Variants in SAFB observed in about 807,000 individuals in gnomAD.
SAFB encodes scaffold attachment factor B.
In SAFB, 15 loss-of-function variants were observed where a neutral mutation model predicts 101.6. That is an observed-to-expected ratio of 0.15 (90% CI 0.10 to 0.23). The LOEUF (loss-of-function observed/expected upper bound fraction) is 0.23. Ranked by LOEUF, SAFB falls within the 10% of genes least tolerant of loss-of-function variation. The pLI is 1.00. For missense variants in SAFB, 930 were observed against 1,104.1 expected (o/e 0.84, Z 2.23); for synonymous variants, 449 against 407.5 (o/e 1.10, Z -1.23).
At chr19:5,648,352 T>C (rs972493968) in intron 6 of SAFB, 3 of 387,080 alleles carry the variant, frequency 7.8e-6, no homozygotes, top group Non-Finnish European at 9.2e-6. Context: ...TCTTGAGAGC[T>C]AATACCTCTG....
intron 13 of SAFB, among the ~76,000 whole-genome samples, chr19:5,656,575 A>ATTTT (rs918418902): frequency 5.5e-5 from 7 of 128,356 alleles, no homozygotes; most frequent in Non-Finnish European, 8.2e-5. Context: ...TGCGCCAGCA[A>ATTTT]TTTTTTTTTT....
At chr19:5,637,298 C>T (rs1265342869) in intron 2 of SAFB, among the ~76,000 whole-genome samples, 4 of 144,286 alleles carry the variant, frequency 2.8e-5, no homozygotes, top group African/African-American at 7.8e-5. Context: ...GAGCCAAGAT[C>T]GTGCCACTGC....
chr19:5,653,423 A>G lies in SAFB; in HGVS notation c.1526+3A>G. The G allele has an allele frequency of 1.2e-6, 2 of 1,613,162 alleles. No individual in the cohort carries two copies. Among genetic ancestry groups the G allele is most frequent in the Non-Finnish European group, 1.7e-6 (2 of 1,179,418 alleles). ...GAGAAGTCGAGCAACAGTGACAGGTACCCCTCCTTCCTGGCTAAATTAAAG... is the reference window on the plus strand; with the variant it reads ...GAGAAGTCGAGCAACAGTGACAGGTGCCCCTCCTTCCTGGCTAAATTAAAG... On this transcript the variant is annotated splice_donor_region_variant and intron_variant, in intron 11 of 20. Coordinates refer to ENST00000588852, the MANE Select transcript of SAFB (RefSeq NM_001201338.2).
chr19:5,668,111 G>C, intron 20 of SAFB, 51 bp from the exon 21 acceptor site: 1 of 1,590,806 alleles, frequency 6.3e-7, no homozygotes, highest in Admixed American at 1.8e-5. Flanking sequence ...GCTGGGATGG[G>C]CCGGGGAGCA....
intron 13 of SAFB, among the ~76,000 whole-genome samples, chr19:5,655,679 T>G (rs773552640): frequency 3.3e-5 from 5 of 152,034 alleles, no homozygotes; most frequent in Non-Finnish European, 7.4e-5. Flanking sequence ...CCATTTCACT[T>G]GGTGAATGGA....
At chr19:5,623,911 C>T (rs2053266492) in intron 1 of SAFB, 1 of 152,766 alleles carries the variant, frequency 6.5e-6, no homozygotes, top group South Asian at 2.0e-4. Context: ...AGGAAACACC[C>T]GTAGGACATA....
At chr19:5,657,448 T>C (rs1475887692) in intron 14 of SAFB, 101 bp downstream of exon 14, 4 of 736,248 alleles carry the variant, frequency 5.4e-6, no homozygotes, top group African/African-American at 1.8e-5. Flanking sequence ...GGGATAGAGC[T>C]GTGAACCTTT....
At chr19:5,661,477 G>C (rs2054201417) in intron 14 of SAFB, 41 bp from the exon 15 acceptor site, 6 of 1,604,564 alleles carry the variant, frequency 3.7e-6, no homozygotes, top group Non-Finnish European at 5.1e-6. Flanking sequence ...GACCTGGCTG[G>C]GGGTGTCTAG....
At chr19:5,642,036 T>A (rs2053727394) in intron 4 of SAFB, 90 bp downstream of exon 4, 4 of 1,075,130 alleles carry the variant, frequency 3.7e-6, no homozygotes, top group Non-Finnish European at 4.2e-6. Flanking sequence ...GGGAAGTAAG[T>A]TGTTCTGTAA....
chr19:5,643,911 G>C (rs1362463180), intron 4 of SAFB, among the ~76,000 whole-genome samples: 1 of 151,772 alleles, frequency 6.6e-6, no homozygotes, highest in African/African-American at 2.4e-5. Context: ...ATCAATTTCT[G>C]TGTGTCCCTG....
chr19:5,625,375 G>A (rs1350385866), intron 1 of SAFB, among the ~76,000 whole-genome samples: 3 of 152,226 alleles, frequency 2.0e-5, no homozygotes, highest in Non-Finnish European at 2.9e-5. Context: ...TCCCAGGAAA[G>A]AACTTCAGTC....
At position 5,650,695 on chromosome 19, in the gene SAFB, G is replaced by A. The variant is rs370607804; in HGVS notation, c.1199-283G>A. Among the ~76,000 whole-genome samples the A allele has an allele frequency of 7.2e-5, 11 of 152,304 alleles. No homozygotes were observed. The East Asian group carries it at 9.6e-4, about 13-fold the overall frequency. The stretch of plus-strand genomic sequence containing the variant: ...CAAAGTGCTGGGATTACAGGCGTGA[G>A]CCACCACACCCGGCCCGCAATTGCT... On this transcript the variant is annotated intron_variant, in intron 8 of 20. Coordinates refer to ENST00000588852, the MANE Select transcript of SAFB (RefSeq NM_001201338.2).
chr19:5,663,708 G>A (rs1490023861), intron 15 of SAFB, among the ~76,000 whole-genome samples: 4 of 152,136 alleles, frequency 2.6e-5, no homozygotes, highest in Admixed American at 2.6e-4. Context: ...GGCTCACGTG[G>A]TCTTCCTGAG....
In SAFB at chr19:5,653,181, A is replaced by G. The variant is rs1245618334; in HGVS notation, c.1360A>G (p.Met454Val). 1 of 1,614,140 alleles carries G rather than the reference A, an allele frequency of 6.2e-7. No individual in the cohort carries two copies. Residue 454 changes from methionine (M) to valine (V), a missense_variant, in exon 10 of 21, where the codon ATG becomes GTG. By Grantham distance (21) the Met-to-Val change is conservative. Coordinates refer to ENST00000588852, the MANE Select transcript of SAFB (RefSeq NM_001201338.2). ...AGCTCGCTGTTACGGTTTTGTCACGATGTCCACAGCAGAAGAGGCCACAAA... is the reference window on the plus strand; with the variant it reads ...AGCTCGCTGTTACGGTTTTGTCACGGTGTCCACAGCAGAAGAGGCCACAAA... ...PGARCYGFVT[M>V]STAEEATKCI...
intron 4 of SAFB, among the ~76,000 whole-genome samples, chr19:5,644,813 A>G (rs1041801414): frequency 1.2e-4 from 19 of 152,198 alleles, no homozygotes; most frequent in Non-Finnish European, 4.4e-5. Flanking sequence ...TTCCCCTGCA[A>G]GTAGGGCATA....
chr19:5,633,926 G>A (rs997133352), intron 2 of SAFB, among the ~76,000 whole-genome samples: 8 of 152,128 alleles, frequency 5.3e-5, no homozygotes, highest in Admixed American at 2.6e-4. Flanking sequence ...AAAGCAATCC[G>A]AAGCAAGCCA....
intron 6 of SAFB, 168 bp from the exon 7 acceptor site, chr19:5,648,821 C>T: frequency 1.7e-6 from 1 of 600,648 alleles, no homozygotes; most frequent in Non-Finnish European, 3.1e-6. Flanking sequence ...GGTCGCGGCG[C>T]AGGTAGTGTA....
chr19:5,630,498 G>A (rs1484295000), intron 2 of SAFB, among the ~76,000 whole-genome samples: 4 of 152,102 alleles, frequency 2.6e-5, no homozygotes, highest in African/African-American at 7.2e-5. Flanking sequence ...GGCCAGGTGC[G>A]GTGGCACACG....
At chr19:5,632,175 C>T (rs1406416129) in intron 2 of SAFB, among the ~76,000 whole-genome samples, 2 of 152,186 alleles carry the variant, frequency 1.3e-5, no homozygotes, top group East Asian at 3.8e-4. Flanking sequence ...GGCCTGTTTG[C>T]TTGGTTAAGT....
Sources: allele counts gnomAD v4.1 joint callset (sites outside exome capture counted in the v4.1 genomes callset), GRCh38; gene constraint gnomAD v4.1.1; transcripts MANE v1.5; gene names NCBI Gene and HGNC (gene_info 2026-07-23, HGNC 2026-07-21).